FAM13A: variants seen among roughly 807,000 people sequenced by gnomAD.
The protein encoded by FAM13A is protein FAM13A.
FAM13A carries 76 observed loss-of-function variants against 129.6 expected under a neutral mutation model. The ratio of observed to expected loss-of-function variants is 0.59; its 90% CI spans 0.49 to 0.71. The LOEUF is 0.71. Among genes scored for constraint, FAM13A ranks in the 30% least tolerant of loss-of-function variants. The probability of loss-of-function intolerance (pLI) is 0.00; values close to 1 mark genes in which losing one functional copy is unlikely to be tolerated. For synonymous variants in FAM13A, 443 were observed against 449.9 expected, an observed-to-expected ratio of 0.98 and a Z score of 0.20; for missense variants, 1,108 against 1,249.3, an observed-to-expected ratio of 0.89 and a Z score of 1.70.
intron 6 of FAM13A, among the ~76,000 whole-genome samples, chr4:88,857,193 C>T (rs1738668083): frequency 6.6e-6 from 1 of 151,984 alleles, no homozygotes; most frequent in Admixed American, 6.6e-5. Context: ...AAAAATGGGA[C>T]AATGTTAAAC....
chr4:89,030,160 T>A (rs550489154), intron 1 of FAM13A, among the ~76,000 whole-genome samples: 1 of 152,144 alleles, frequency 6.6e-6, no homozygotes, highest in African/African-American at 2.4e-5. Flanking sequence ...TCTGTAAATA[T>A]CTCAGTAATC....
At chr4:88,984,315 C>T (rs1470457010) in intron 4 of FAM13A, among the ~76,000 whole-genome samples, 1 of 152,020 alleles carries the variant, frequency 6.6e-6, no homozygotes, top group African/African-American at 2.4e-5. Context: ...AAATAAAAAC[C>T]TCTGCACTTA....
intron 6 of FAM13A, among the ~76,000 whole-genome samples, chr4:88,887,282 T>C (rs1178572012): frequency 6.6e-6 from 1 of 152,080 alleles, no homozygotes; most frequent in Non-Finnish European, 1.5e-5. Flanking sequence ...CAAAAACCTA[T>C]TGAAATAATA....
chr4:88,846,649 T>C (rs1233374050), intron 7 of FAM13A, among the ~76,000 whole-genome samples: 2 of 152,258 alleles, frequency 1.3e-5, no homozygotes, highest in Non-Finnish European at 2.9e-5. Context: ...CAACTTTGTT[T>C]GCATTTGTAT....
At chr4:88,832,144 C>T (rs1225963538) in intron 7 of FAM13A, among the ~76,000 whole-genome samples, 1 of 152,154 alleles carries the variant, frequency 6.6e-6, no homozygotes, top group Non-Finnish European at 1.5e-5. Context: ...GGAAAGGACT[C>T]CCTATTTAAT....
chr4:88,821,210 CAGG>C lies in FAM13A; in HGVS notation c.1008-16161_1008-16159del, dbSNP rs1731831847. Among the ~76,000 whole-genome samples the C allele has an allele frequency of 2.0e-5, 3 of 152,340 alleles. No homozygotes were observed. In the South Asian group the frequency reaches 6.2e-4, roughly 32 times the overall value. On this transcript the variant is annotated intron_variant, in intron 7 of 23. Coordinates refer to ENST00000264344, the MANE Select transcript of FAM13A (RefSeq NM_014883.4). Reference sequence around the variant, plus strand: ...ACCGCACAAACCTGGTCTTTACCTTCAGGAGGTTTATAACCAAAGGTAGGTACA... The same window carrying C: ...ACCGCACAAACCTGGTCTTTACCTTCAGGTTTATAACCAAAGGTAGGTACA...
chr4:88,941,877 G>C (rs1038658627), intron 4 of FAM13A, among the ~76,000 whole-genome samples: 1 of 152,216 alleles, frequency 6.6e-6, no homozygotes, highest in African/African-American at 2.4e-5. Flanking sequence ...AAAAAAAGAT[G>C]CAGTTTTTAA....
At chr4:88,761,328 C>T (rs1439706999) in intron 13 of FAM13A, among the ~76,000 whole-genome samples, 2 of 152,140 alleles carry the variant, frequency 1.3e-5, no homozygotes, top group African/African-American at 2.4e-5. Flanking sequence ...AAAACACTGG[C>T]ACACCTCAAA....
chr4:89,038,144 G>A (rs984603572), intron 1 of FAM13A, among the ~76,000 whole-genome samples: 1 of 152,152 alleles, frequency 6.6e-6, no homozygotes, highest in Non-Finnish European at 1.5e-5. Context: ...AGGGCCCAAG[G>A]GGGCCAACAT....
At chr4:88,951,010 C>T (rs115118350) in intron 4 of FAM13A, among the ~76,000 whole-genome samples, 2,692 of 152,222 alleles carry the variant, frequency 0.018, 81 homozygotes, top group African/African-American at 0.06. Flanking sequence ...GGCTCAGGTA[C>T]GAAGGTGTAA....
chr4:88,895,971 G>A (rs1424592421), intron 6 of FAM13A, among the ~76,000 whole-genome samples: 3 of 147,682 alleles, frequency 2.0e-5, no homozygotes, highest in Non-Finnish European at 3.0e-5. Flanking sequence ...ACATGCACAC[G>A]TATGTTTATT....
chr4:89,049,422 A>T (rs921112123), intron 1 of FAM13A, among the ~76,000 whole-genome samples: 1 of 152,226 alleles, frequency 6.6e-6, no homozygotes, highest in Admixed American at 6.5e-5. Context: ...TTTACAGTGT[A>T]AACCACAGGA....
At chr4:88,799,018 A>T (rs965064752) in intron 8 of FAM13A, among the ~76,000 whole-genome samples, 2 of 152,234 alleles carry the variant, frequency 1.3e-5, no homozygotes, top group Non-Finnish European at 2.9e-5. Context: ...TATAGCTCTA[A>T]ACATATGCTT....
chr4:88,862,427 A>G (rs1739640213), intron 6 of FAM13A, among the ~76,000 whole-genome samples: 1 of 152,162 alleles, frequency 6.6e-6, no homozygotes, highest in African/African-American at 2.4e-5. Context: ...AAGAGTTGGG[A>G]CTAGAAGGTT....
intron 13 of FAM13A, among the ~76,000 whole-genome samples, chr4:88,761,451 G>A (rs1744798141): frequency 6.6e-6 from 1 of 152,186 alleles, no homozygotes; most frequent in African/African-American, 2.4e-5. Context: ...AAATATTAGT[G>A]AAAAGAGCCA....
At chr4:88,892,373 G>A (rs1286176146) in intron 6 of FAM13A, among the ~76,000 whole-genome samples, 7 of 151,884 alleles carry the variant, frequency 4.6e-5, no homozygotes, top group Non-Finnish European at 1.0e-4. Flanking sequence ...TAGAGATGGG[G>A]TTTCACCATG....
At chr4:88,876,491 T>A (rs1159098506) in intron 6 of FAM13A, among the ~76,000 whole-genome samples, 1 of 152,154 alleles carries the variant, frequency 6.6e-6, no homozygotes, top group African/African-American at 2.4e-5. Flanking sequence ...AAAAACGATG[T>A]AAAACAGAAT....
chr4:88,912,281 A>G (rs76480491), intron 5 of FAM13A, among the ~76,000 whole-genome samples: 2,005 of 136,172 alleles, frequency 0.015, 41 homozygotes, highest in African/African-American at 0.052. Context: ...GAGGACATAT[A>G]GAGAACAAAA....
intron 6 of FAM13A, among the ~76,000 whole-genome samples, chr4:88,868,234 A>G (rs542565841): frequency 6.6e-6 from 1 of 152,240 alleles, no homozygotes; most frequent in South Asian, 2.1e-4. Context: ...GGAGGCCCCA[A>G]CATTATCTTA....
Sources: allele counts gnomAD v4.1 joint callset (sites outside exome capture counted in the v4.1 genomes callset), GRCh38; gene constraint gnomAD v4.1.1; transcripts MANE v1.5; gene names NCBI Gene and HGNC (gene_info 2026-07-23, HGNC 2026-07-21).